LRRC74B: variants seen among roughly 807,000 people sequenced by gnomAD.
The protein encoded by LRRC74B is leucine-rich repeat-containing protein 74B.
Under a neutral mutation model 16.6 loss-of-function variants are expected in LRRC74B, and 30 were observed. The ratio of observed to expected loss-of-function variants is 1.80; its 90% CI spans 1.35 to 2.45. LRRC74B has a LOEUF of 2.45. Among genes scored for constraint, LRRC74B ranks in the 30% most tolerant of loss-of-function variants. The pLI, the probability that LRRC74B is intolerant of heterozygous loss-of-function variation, is 0.00. For synonymous variants in LRRC74B, 134 were observed against 86.0 expected, an observed-to-expected ratio of 1.56 and a Z score of -3.09; for missense variants, 326 against 202.4, an observed-to-expected ratio of 1.61 and a Z score of -3.71.
intron 7 of LRRC74B, 178 bp from the exon 8 acceptor site, chr22:21,056,927 A>G: frequency 1.7e-6 from 1 of 588,620 alleles, no homozygotes; most frequent in Non-Finnish European, 3.0e-6. Flanking sequence ...TTCTTCCCTG[A>G]CCCAGCAGCC....
intron 4 of LRRC74B, among the ~76,000 whole-genome samples, chr22:21,051,588 C>G (rs1246608715): frequency 1.3e-5 from 2 of 152,134 alleles, no homozygotes; most frequent in Non-Finnish European, 2.9e-5. Flanking sequence ...TGCCTCTGCC[C>G]CCACCCAGCC....
At chr22:21,053,093 C>T (rs1260147509) in intron 5 of LRRC74B, among the ~76,000 whole-genome samples, 1 of 152,158 alleles carries the variant, frequency 6.6e-6, no homozygotes, top group South Asian at 2.1e-4. Flanking sequence ...GCACACGCCC[C>T]TCCCAGTCTC....
intron 4 of LRRC74B, chr22:21,049,508 A>T: frequency 4.7e-6 from 1 of 213,558 alleles, no homozygotes; most frequent in Non-Finnish European, 9.3e-6. Context: ...CTAGAGAAGA[A>T]CAGGGACCCC....
At position 21,049,688 on chromosome 22, in the gene LRRC74B, C is replaced by G. The variant is rs531826287; in HGVS notation, c.622+531C>G. 5.3e-5 allele frequency among the ~76,000 whole-genome samples: 8 copies of G among 151,872 alleles called. No homozygotes were observed. In the East Asian group the frequency reaches 1.6e-3, roughly 30 times the overall value. On this transcript the variant is annotated intron_variant, in intron 4 of 8. Coordinates refer to ENST00000442047, the Ensembl canonical transcript of LRRC74B. ...ACTGGCGGACAGCAGTGTGCCTAGG[C>G]TAGGGAGCCAGGGAAGCGTGGCCAG...
chr22:21,051,464 G>A (rs1930040403), intron 4 of LRRC74B, among the ~76,000 whole-genome samples: 1 of 152,046 alleles, frequency 6.6e-6, no homozygotes, highest in Admixed American at 6.6e-5. Context: ...CCACTGCCTG[G>A]CTTTCACCTT....
intron 8 of LRRC74B, among the ~76,000 whole-genome samples, chr22:21,059,454 C>T (rs933696285): frequency 1.2e-4 from 18 of 152,078 alleles, no homozygotes; most frequent in Non-Finnish European, 2.2e-4. Context: ...CTCAGCTACT[C>T]GGGAGGCTGA....
intron 1 of LRRC74B, among the ~76,000 whole-genome samples, 173 bp from the exon 2 acceptor site, chr22:21,047,183 C>T (rs1202602714): frequency 1.3e-5 from 2 of 152,154 alleles, no homozygotes; most frequent in South Asian, 2.1e-4. Flanking sequence ...AAAAGATTTG[C>T]GTTGCCTGAG....
At chr22:21,047,561 G>A (rs553441577) in intron 2 of LRRC74B, 63 bp downstream of exon 2, 1 of 699,554 alleles carries the variant, frequency 1.4e-6, no homozygotes, top group South Asian at 1.6e-5. Flanking sequence ...CAGCAGCCAT[G>A]GGAGTGCCCC....
rs1034152250 is a variant in LRRC74B at position 21,047,349 on chromosome 22, C to A, written c.140-7C>A. The A allele has an allele frequency of 4.2e-6, 3 of 716,754 alleles. No homozygotes were observed. The African/African-American group carries it at 5.2e-5, about 13-fold the overall frequency. 44.4% of individuals were successfully genotyped at this position (716,754 alleles called of 1,614,324 possible). A position where few individuals can be genotyped will look rare whatever the true frequency, so the allele number is the denominator to read the frequency against. On this transcript the variant is annotated splice_polypyrimidine_tract_variant and splice_region_variant and intron_variant, in intron 1 of 8. Transcript: ENST00000442047. ...GGGTCCACATTCGTCCCCCTGTCTC[C>A]TGCCAGGCACCGATGGGCTTGGAGA...
At chr22:21,048,308 C>A in intron 3 of LRRC74B, 1 of 414,714 alleles carries the variant, frequency 2.4e-6, no homozygotes, top group South Asian at 2.4e-5. Context: ...TACCTGAATG[C>A]AGGATGGGAG....
chr22:21,062,144 T>A (rs1308810281), downstream of LRRC74B: 4 of 152,128 alleles, frequency 2.6e-5, no homozygotes, highest in African/African-American at 9.7e-5. Flanking sequence ...ATGTGAAACA[T>A]CCGGAGTATG....
exon 8 of LRRC74B, chr22:21,057,143 T>G (rs1569201422): frequency 1.4e-6 from 1 of 717,476 alleles, no homozygotes; most frequent in Non-Finnish European, 2.6e-6. Flanking sequence ...GCTGCTTTGG[T>G]CTCCTCAAGT....
intron 8 of LRRC74B, among the ~76,000 whole-genome samples, chr22:21,059,777 G>A (rs537811797): frequency 2.0e-5 from 3 of 151,966 alleles, no homozygotes; most frequent in Non-Finnish European, 4.4e-5. Context: ...TGGGGCTAAC[G>A]TCTACCCCGC....
At chr22:21,060,497 G>T (rs772190214) in exon 9 of LRRC74B, 2 of 715,732 alleles carry the variant, frequency 2.8e-6, no homozygotes, top group East Asian at 2.7e-5. Context: ...CCAGTCTTCA[G>T]ATCAGCCCTG....
At chr22:21,060,262 A>C in intron 8 of LRRC74B, 111 bp from the exon 9 acceptor site, 1 of 613,276 alleles carries the variant, frequency 1.6e-6, no homozygotes, top group South Asian at 2.1e-5. Context: ...TGTCATCCAC[A>C]GGGGAGAAGC....
intron 4 of LRRC74B, among the ~76,000 whole-genome samples, chr22:21,049,947 T>C (rs1220613166): frequency 1.3e-5 from 2 of 152,200 alleles, no homozygotes; most frequent in Non-Finnish European, 2.9e-5. Flanking sequence ...GGGTTAGGCA[T>C]GCAGATGCTG....
chr22:21,058,072 AT>A (rs1341609540), intron 8 of LRRC74B, among the ~76,000 whole-genome samples: 2 of 122,228 alleles, frequency 1.6e-5, no homozygotes, highest in Non-Finnish European at 3.6e-5. Context: ...TTTTTTTGGT[AT>A]TTTTTTTAGT....
chr22:21,052,062 A>T (rs1930106452), intron 4 of LRRC74B, among the ~76,000 whole-genome samples, 187 bp from the exon 5 acceptor site: 1 of 152,078 alleles, frequency 6.6e-6, no homozygotes, highest in Admixed American at 6.5e-5. Context: ...AATAGCTCAC[A>T]TCCCATACAT....
At chr22:21,051,224 T>G (rs1398093736) in intron 4 of LRRC74B, among the ~76,000 whole-genome samples, 1 of 152,196 alleles carries the variant, frequency 6.6e-6, no homozygotes, top group Non-Finnish European at 1.5e-5. Flanking sequence ...GCAGGTACTG[T>G]GATGTGCAGC....
Sources: allele counts gnomAD v4.1 joint callset (sites outside exome capture counted in the v4.1 genomes callset), GRCh38; gene constraint gnomAD v4.1.1; transcripts MANE v1.5; gene names NCBI Gene and HGNC (gene_info 2026-07-23, HGNC 2026-07-21).